The following BDH2 variants were observed in gnomAD, a reference collection of about 807,000 sequenced individuals.
BDH2 encodes the protein 3-hydroxybutyrate dehydrogenase 2, also known as dehydrogenase/reductase SDR family member 6.
A neutral mutation model predicts 33.2 loss-of-function variants in BDH2; 24 were observed. The ratio of observed to expected loss-of-function variants is 0.72; its 90% CI spans 0.52 to 1.02. BDH2 has a LOEUF of 1.02. Among genes scored for constraint, BDH2 ranks in the 50% least tolerant of loss-of-function variants. BDH2 has a pLI of 0.00. For missense variants in BDH2, 249 were observed against 301.6 expected (o/e 0.83, Z 1.29); for synonymous variants, 81 against 101.6 (o/e 0.80, Z 1.22).
intron 7 of BDH2, 135 bp downstream of exon 7, chr4:103,085,214 A>G (rs1747717745): frequency 3.0e-6 from 2 of 673,100 alleles, no homozygotes; most frequent in Non-Finnish European, 5.0e-6. Context: ...TTTGAGAGTC[A>G]TTTTATCTGT....
chr4:103,092,524 C>A, intron 4 of BDH2, 76 bp downstream of exon 4: 1 of 992,668 alleles, frequency 1.0e-6, no homozygotes, highest in Non-Finnish European at 1.6e-6. Flanking sequence ...GATTTTGCCA[C>A]ATTATGAAAA....
At chr4:103,094,737 T>C (rs966920376) in intron 3 of BDH2, among the ~76,000 whole-genome samples, 52 of 152,120 alleles carry the variant, frequency 3.4e-4, no homozygotes, top group African/African-American at 1.2e-3. Flanking sequence ...ATTTTAGATA[T>C]ATTGGATAAA....
chr4:103,085,294 G>T, intron 7 of BDH2, 55 bp downstream of exon 7: 1 of 1,361,882 alleles, frequency 7.3e-7, no homozygotes, highest in Non-Finnish European at 1.0e-6. Context: ...AAGCAAATTG[G>T]GTGTGGAAGT....
chr4:103,077,614 A>C lies in BDH2; in HGVS notation c.*2088T>G, dbSNP rs1269868437. On this transcript the variant is annotated 3_prime_UTR_variant, in exon 10 of 10. Coordinates refer to ENST00000296424, the MANE Select transcript of BDH2 (RefSeq NM_020139.4). ...TTGTTAATGTTGGAGCCCATTTTGT[A>C]GAATTCGTTGTGCATTTATTTAAAA... 1.3e-5 allele frequency among the ~76,000 whole-genome samples: 2 copies of C among 152,218 alleles called. No individual in the cohort carries two copies. Among genetic ancestry groups the C allele is most frequent in the African/African-American group, 4.8e-5 (2 of 41,452 alleles).
At chr4:103,097,999 A>ACTTG (rs1381643421) in intron 1 of BDH2, among the ~76,000 whole-genome samples, 1 of 151,632 alleles carries the variant, frequency 6.6e-6, no homozygotes, top group Non-Finnish European at 1.5e-5. Context: ...AAACCTCCAC[A>ACTTG]CTTGGTCCAA....
chr4:103,085,277 A>G (rs1747722268), intron 7 of BDH2, 72 bp downstream of exon 7: 3 of 1,217,458 alleles, frequency 2.5e-6, no homozygotes, highest in South Asian at 2.7e-5. Flanking sequence ...GCCATAGGCA[A>G]TAACATAAGC....
rs1747355600 is a variant in BDH2 at position 103,078,636 on chromosome 4, A to G, written c.*1066T>C. Among the ~76,000 whole-genome samples, 1 of 152,234 alleles carries G rather than the reference A, an allele frequency of 6.6e-6. No individual in the cohort carries two copies. Among genetic ancestry groups the G allele is most frequent in the Non-Finnish European group, 1.5e-5 (1 of 68,038 alleles). ...TCCTTTACTCCTTTTACTGTAAGCT[A>G]TTGAAGCCAAACTCCTTCCTACCTT... is the stretch of plus-strand genomic sequence containing the variant. On this transcript the variant is annotated 3_prime_UTR_variant, in exon 10 of 10. Coordinates refer to ENST00000296424, the MANE Select transcript of BDH2 (RefSeq NM_020139.4).
intron 7 of BDH2, 57 bp downstream of exon 7, chr4:103,085,292 T>C (rs1200133668): frequency 1.5e-6 from 2 of 1,357,030 alleles, no homozygotes; most frequent in Non-Finnish European, 2.1e-6. Context: ...ATAAGCAAAT[T>C]GGGTGTGGAA....
intron 3 of BDH2, among the ~76,000 whole-genome samples, chr4:103,092,907 C>T (rs1338644617): frequency 6.6e-6 from 1 of 152,166 alleles, no homozygotes; most frequent in African/African-American, 2.4e-5. Context: ...CGTCCCTCTT[C>T]CTTCCTCTCT....
At chr4:103,082,803 C>T (rs1747587107) in intron 8 of BDH2, 68 bp downstream of exon 8, 1 of 1,348,240 alleles carries the variant, frequency 7.4e-7, no homozygotes, top group South Asian at 1.2e-5. Context: ...ATGAATTTGT[C>T]TGCTATAGGT....
chr4:103,086,692 C>G (rs1216574165), intron 5 of BDH2, 152 bp from the exon 6 acceptor site: 3 of 966,154 alleles, frequency 3.1e-6, no homozygotes, highest in Non-Finnish European at 4.4e-6. Flanking sequence ...GCAGTCTTAA[C>G]AGTGAACCCA....
At chr4:103,095,334 T>G (rs1748349739) in intron 2 of BDH2, 53 bp from the exon 3 acceptor site, 1 of 1,347,780 alleles carries the variant, frequency 7.4e-7, no homozygotes. Flanking sequence ...TAAACTGTGC[T>G]CATGAATGGA....
At chr4:103,084,555 T>C (rs1038854928) in intron 7 of BDH2, among the ~76,000 whole-genome samples, 6 of 152,234 alleles carry the variant, frequency 3.9e-5, no homozygotes, top group Non-Finnish European at 8.8e-5. Context: ...ATTTTACCAC[T>C]TATTCCACTG....
At chr4:103,080,107 T>G (rs1360858197) in intron 9 of BDH2, among the ~76,000 whole-genome samples, 1 of 152,218 alleles carries the variant, frequency 6.6e-6, no homozygotes, top group South Asian at 2.1e-4. Flanking sequence ...TATTCAAAAC[T>G]AGCTAAGTTT....
rs773666244 is a variant in BDH2, at chr4:103,078,348, A to C, written c.*1354T>G. Among the ~76,000 whole-genome samples, 3 of 152,180 alleles carry C rather than the reference A, an allele frequency of 2.0e-5. No individual in the cohort carries two copies. ...TTTATTTATCCAGAAACTATGTCCAAATTTTATGTCCTCTTTTCTGTTATC... is the reference window on the plus strand; with the variant it reads ...TTTATTTATCCAGAAACTATGTCCACATTTTATGTCCTCTTTTCTGTTATC... On this transcript the variant is annotated 3_prime_UTR_variant, in exon 10 of 10. Coordinates refer to ENST00000296424, the MANE Select transcript of BDH2 (RefSeq NM_020139.4).
At chr4:103,086,420 C>T in intron 6 of BDH2, 60 bp downstream of exon 6, 1 of 1,564,376 alleles carries the variant, frequency 6.4e-7, no homozygotes, top group Non-Finnish European at 8.6e-7. Flanking sequence ...TTCCCAAACG[C>T]AGAGCTCTTA....
At chr4:103,095,795 A>T (rs1748374918) in intron 2 of BDH2, among the ~76,000 whole-genome samples, 1 of 152,236 alleles carries the variant, frequency 6.6e-6, no homozygotes. Context: ...AGAAATTGAT[A>T]TAAATCAGGA....
rs1440800934 is a variant in BDH2, at chr4:103,079,263, C to T, written c.*439G>A. ...TCTCTGCTCTTGCTATGTGAGGATACAGCAAGAAGAGGACCATCTGCAAAC... is the reference window on the plus strand; with the variant it reads ...TCTCTGCTCTTGCTATGTGAGGATATAGCAAGAAGAGGACCATCTGCAAAC... On this transcript the variant is annotated 3_prime_UTR_variant, in exon 10 of 10. Transcript: ENST00000296424. 6.6e-6 allele frequency among the ~76,000 whole-genome samples: 1 copy of T among 152,124 alleles called. No homozygotes were observed. The highest frequency in any genetic ancestry group is 1.5e-5 in the Non-Finnish European group (1 of 68,012).
chr4:103,080,726 T>G (rs1431653431), intron 9 of BDH2, among the ~76,000 whole-genome samples: 2 of 152,212 alleles, frequency 1.3e-5, no homozygotes, highest in Non-Finnish European at 2.9e-5. Flanking sequence ...GTAGCACATT[T>G]CAAGCCACAA....
Sources: gnomAD v4.1 joint callset for allele counts (sites outside exome capture counted in the v4.1 genomes callset) on GRCh38, gnomAD v4.1.1 for gene constraint, MANE v1.5 for transcripts, NCBI Gene and HGNC (gene_info 2026-07-23, HGNC 2026-07-21) for gene names.